The following HDAC9 variants were observed in gnomAD, a reference collection of about 807,000 sequenced individuals.
HDAC9 encodes histone deacetylase 9, also known as MEF-2 interacting transcription repressor (MITR) protein.
Under a neutral mutation model 139.4 loss-of-function variants are expected in HDAC9, and 41 were observed. The ratio of observed to expected loss-of-function variants is 0.29; its 90% CI spans 0.23 to 0.38. HDAC9 has a LOEUF of 0.38. Ranked by LOEUF, HDAC9 falls within the 10% of genes least tolerant of loss-of-function variation. The pLI is 1.00. For synonymous variants in HDAC9, 517 were observed against 476.2 expected, an observed-to-expected ratio of 1.09 and a Z score of -1.12; for missense variants, 1,147 against 1,297.0, an observed-to-expected ratio of 0.88 and a Z score of 1.78.
intron 2 of HDAC9, among the ~76,000 whole-genome samples, chr7:18,192,878 G>A (rs1304810432): frequency 1.3e-5 from 2 of 152,164 alleles, no homozygotes; most frequent in Non-Finnish European, 2.9e-5. Context: ...GTATTTCTCA[G>A]TATGAGTAGC....
chr7:18,372,426 T>C lies in HDAC9; in HGVS notation c.-42+81911T>C, dbSNP rs192063552. Among the ~76,000 whole-genome samples the C allele has an allele frequency of 8.7e-4, 133 of 152,282 alleles. 1 individual carries two copies. Among genetic ancestry groups the C allele is most frequent in the Admixed American group, 8.7e-3 (133 of 15,292 alleles). ...AGAGGGTTGAACCACAGCAGAGAGC[T>C]GGTGAGACAAGGTAGTCTGTTTTCC... is the stretch of plus-strand genomic sequence containing the variant. On this transcript the variant is annotated intron_variant, in intron 1 of 3. Coordinates refer to the HDAC9 transcript ENST00000413509.
intron 12 of HDAC9, among the ~76,000 whole-genome samples, chr7:18,727,117 G>C (rs572145252): frequency 7.5e-4 from 114 of 152,252 alleles, no homozygotes; most frequent in African/African-American, 2.7e-3. Context: ...GACATCCATA[G>C]AATTCATAAA....
At chr7:18,451,429 A>ATGTG (rs1193822580) in intron 1 of HDAC9, among the ~76,000 whole-genome samples, 5 of 137,732 alleles carry the variant, frequency 3.6e-5, no homozygotes, top group South Asian at 2.3e-4. Flanking sequence ...GTGTATATAT[A>ATGTG]TGTGTGTGTG....
At chr7:18,628,940 C>T (rs1204969110) in intron 6 of HDAC9, among the ~76,000 whole-genome samples, 1 of 152,098 alleles carries the variant, frequency 6.6e-6, no homozygotes, top group African/African-American at 2.4e-5. Context: ...AAATCACATT[C>T]AGTTACTCTT....
intron 3 of HDAC9, among the ~76,000 whole-genome samples, chr7:18,587,930 A>G (rs759306237): frequency 6.6e-6 from 1 of 152,366 alleles, no homozygotes; most frequent in Non-Finnish European, 1.5e-5. Flanking sequence ...TGAAGCACCA[A>G]ATTAATTTGA....
chr7:18,858,583 A>C (rs1797863888), intron 21 of HDAC9, among the ~76,000 whole-genome samples: 1 of 152,196 alleles, frequency 6.6e-6, no homozygotes, highest in African/African-American at 2.4e-5. Flanking sequence ...AAAGTAACCA[A>C]ATCAGCTTAT....
chr7:18,385,217 C>CA, intron 1 of HDAC9, among the ~76,000 whole-genome samples: 1 of 152,176 alleles, frequency 6.6e-6, no homozygotes, highest in South Asian at 2.1e-4. Context: ...ATCAAATAAA[C>CA]ACATTACAGC....
intron 12 of HDAC9, among the ~76,000 whole-genome samples, chr7:18,696,319 A>G (rs891996712): frequency 3.4e-5 from 5 of 149,040 alleles, no homozygotes; most frequent in Non-Finnish European, 5.9e-5. Flanking sequence ...TTACATAACT[A>G]TATTATAATT....
chr7:18,942,703 A>T (rs780734796), intron 23 of HDAC9, among the ~76,000 whole-genome samples: 1 of 152,064 alleles, frequency 6.6e-6, no homozygotes. Context: ...GTGAAAGCCA[A>T]TTGTGTGTAT....
At chr7:18,490,118 A>C (rs777403385) in intron 1 of HDAC9, among the ~76,000 whole-genome samples, 14 of 152,052 alleles carry the variant, frequency 9.2e-5, no homozygotes, top group Non-Finnish European at 1.9e-4. Context: ...ATCACACCAA[A>C]AGATACTTTA....
intron 8 of HDAC9, among the ~76,000 whole-genome samples, chr7:18,637,259 G>T (rs1055762009): frequency 6.6e-6 from 1 of 152,056 alleles, no homozygotes; most frequent in Non-Finnish European, 1.5e-5. Flanking sequence ...AGTTACTAAA[G>T]AAGATACATA....
intron 1 of HDAC9, among the ~76,000 whole-genome samples, chr7:18,338,452 G>C (rs546715363): frequency 6.6e-6 from 1 of 151,574 alleles, no homozygotes; most frequent in East Asian, 1.9e-4. Flanking sequence ...ATATTTGGCA[G>C]TATTACTGAG....
rs552765339 is a variant in HDAC9, at chr7:18,188,532, C to G, written c.25+26183C>G. Among the ~76,000 whole-genome samples, 35 of 152,180 alleles carry G rather than the reference C, an allele frequency of 2.3e-4. No individual in the cohort carries two copies. In the South Asian group the frequency reaches 6.2e-3, roughly 27 times the overall value. ...ATTAAACTAAAGAGCTTCTGCACAG[C>G]AAAAGAAACTATCAGAGTGAACAGG... On this transcript the variant is annotated intron_variant, in intron 2 of 12. Transcript: ENST00000417496.
intron 21 of HDAC9, among the ~76,000 whole-genome samples, chr7:18,836,940 A>T (rs1187171859): frequency 1.3e-5 from 2 of 152,064 alleles, no homozygotes; most frequent in African/African-American, 4.8e-5. Context: ...AGTTCCCATG[A>T]AGAAAATCCT....
At chr7:18,259,253 G>C (rs943648194) in intron 2 of HDAC9, among the ~76,000 whole-genome samples, 1 of 152,112 alleles carries the variant, frequency 6.6e-6, no homozygotes, top group African/African-American at 2.4e-5. Context: ...ACAGGTGTGA[G>C]TCACAGTGCC....
intron 1 of HDAC9, among the ~76,000 whole-genome samples, chr7:18,427,888 C>T (rs930129138): frequency 1.3e-5 from 2 of 152,008 alleles, no homozygotes; most frequent in Non-Finnish European, 1.5e-5. Context: ...ATTAGCAACT[C>T]CCCATGCTCT....
chr7:18,586,243 GT>G (rs1333438828), intron 3 of HDAC9, among the ~76,000 whole-genome samples: 1 of 151,832 alleles, frequency 6.6e-6, no homozygotes, highest in Admixed American at 6.6e-5. Context: ...AGATGTGTCT[GT>G]TTTTTTAAAT....
chr7:18,285,158 A>G (rs55821495), intron 2 of HDAC9, among the ~76,000 whole-genome samples: 23,049 of 151,898 alleles, frequency 0.15, 2,160 homozygotes, highest in Non-Finnish European at 0.2. Flanking sequence ...AATTTGGGGG[A>G]AATTGTGAGG....
intron 1 of HDAC9, among the ~76,000 whole-genome samples, chr7:18,323,753 G>GA (rs951341349): frequency 1.3e-5 from 2 of 152,032 alleles, no homozygotes; most frequent in African/African-American, 4.8e-5. Context: ...AATTGCTGGG[G>GA]AATCTCAGGA....
Sources: allele counts gnomAD v4.1 joint callset (sites outside exome capture counted in the v4.1 genomes callset), GRCh38; gene constraint gnomAD v4.1.1; transcripts MANE v1.5; gene names NCBI Gene and HGNC (gene_info 2026-07-23, HGNC 2026-07-21).